The following ADAMTS12 variants were observed in gnomAD, a reference collection of about 807,000 sequenced individuals.
ADAMTS12 encodes A disintegrin and metalloproteinase with thrombospondin motifs 12.
In ADAMTS12, 118 loss-of-function variants were observed where a neutral mutation model predicts 167.8. That is an observed-to-expected ratio of 0.70 (90% CI 0.61 to 0.82). The LOEUF (loss-of-function observed/expected upper bound fraction) is 0.82. Ranked by LOEUF, ADAMTS12 falls within the 40% of genes least tolerant of loss-of-function variation. The probability of loss-of-function intolerance (pLI) is 0.00; values close to 1 mark genes in which losing one functional copy is unlikely to be tolerated. For missense variants in ADAMTS12, 1,916 were observed against 1,998.8 expected (o/e 0.96, Z 0.79); for synonymous variants, 704 against 716.9 (o/e 0.98, Z 0.29).
At chr5:33,880,005 C>T (rs1431459060) in intron 2 of ADAMTS12, among the ~76,000 whole-genome samples, 1 of 152,208 alleles carries the variant, frequency 6.6e-6, no homozygotes, top group African/African-American at 2.4e-5. Flanking sequence ...TTTCGAGACT[C>T]TGGGATTCCT....
chr5:33,624,391 G>C (rs34333679), intron 13 of ADAMTS12, 40 bp from the exon 14 acceptor site: 2 of 1,612,358 alleles, frequency 1.2e-6, no homozygotes, highest in African/African-American at 2.7e-5. Flanking sequence ...CCCAGGCAGG[G>C]GATGCCACTC....
At chr5:33,606,031 T>C (rs541974520) in intron 16 of ADAMTS12, among the ~76,000 whole-genome samples, 22 of 152,294 alleles carry the variant, frequency 1.4e-4, no homozygotes, top group African/African-American at 5.1e-4. Flanking sequence ...CATTGCAACC[T>C]CTGCCTCCCC....
intron 2 of ADAMTS12, among the ~76,000 whole-genome samples, chr5:33,759,410 A>G (rs1745273123): frequency 6.6e-6 from 1 of 152,236 alleles, no homozygotes. Flanking sequence ...ATTAACAAGC[A>G]GTTTTTGCTT....
chr5:33,847,348 C>T (rs1748983106), intron 2 of ADAMTS12, among the ~76,000 whole-genome samples: 1 of 152,194 alleles, frequency 6.6e-6, no homozygotes, highest in Non-Finnish European at 1.5e-5. Context: ...TTCGGCCAGG[C>T]ACTGTGGCTC....
intron 3 of ADAMTS12, among the ~76,000 whole-genome samples, chr5:33,705,923 G>A (rs192830977): frequency 4.6e-5 from 7 of 152,024 alleles, no homozygotes; most frequent in East Asian, 1.9e-4. Flanking sequence ...AAATTTAACC[G>A]ATGTGAAAGA....
At chr5:33,847,421 G>A (rs1748985843) in intron 2 of ADAMTS12, among the ~76,000 whole-genome samples, 6 of 152,196 alleles carry the variant, frequency 3.9e-5, no homozygotes, top group Admixed American at 3.9e-4. Flanking sequence ...TCGGGAGTTG[G>A]AGACCAGCCT....
intron 2 of ADAMTS12, among the ~76,000 whole-genome samples, chr5:33,765,395 C>T (rs1745496752): frequency 6.6e-6 from 1 of 152,190 alleles, no homozygotes; most frequent in South Asian, 2.1e-4. Flanking sequence ...GTCCCCAAAA[C>T]ATCTTAGTTT....
intron 2 of ADAMTS12, among the ~76,000 whole-genome samples, chr5:33,852,803 A>AT (rs1251932382): frequency 2.6e-5 from 4 of 152,214 alleles, no homozygotes; most frequent in African/African-American, 9.7e-5. Flanking sequence ...TGAAAGGAAG[A>AT]TTTTCAGTAT....
intron 2 of ADAMTS12, among the ~76,000 whole-genome samples, chr5:33,874,488 A>G (rs1395890693): frequency 2.0e-5 from 3 of 152,228 alleles, no homozygotes; most frequent in Admixed American, 1.3e-4. Flanking sequence ...GTGAGGATGC[A>G]AAATAGTGCA....
intron 21 of ADAMTS12, among the ~76,000 whole-genome samples, chr5:33,547,899 T>A (rs1416368424): frequency 6.6e-6 from 1 of 152,072 alleles, no homozygotes; most frequent in Non-Finnish European, 1.5e-5. Flanking sequence ...TCAGCACATA[T>A]GGAGAGTTTG....
intron 2 of ADAMTS12, among the ~76,000 whole-genome samples, chr5:33,817,225 A>G (rs913633833): frequency 6.6e-6 from 1 of 152,206 alleles, no homozygotes; most frequent in Non-Finnish European, 1.5e-5. Context: ...TACAGGTAGT[A>G]AGTAGTCTAT....
At position 33,614,354 on chromosome 5, in the gene ADAMTS12, G is replaced by C. The variant is rs773052280; in HGVS notation, c.2411C>G (p.Pro804Arg). ...WIQLLFQVTN[P>R]GIKYEYTIQK... Reference sequence around the variant, plus strand: ...GATTGTGTACTCATACTTGATGCCAGGGTTAGTCACCTGGAATAGAAGCTA... The same window carrying C: ...GATTGTGTACTCATACTTGATGCCACGGTTAGTCACCTGGAATAGAAGCTA... Residue 804 changes from proline (P) to arginine (R), a missense_variant, in exon 16 of 24, where the codon CCT becomes CGT. Pro to Arg is a moderately radical substitution (Grantham distance 103, BLOSUM62 -2). Coordinates refer to ENST00000504830, the MANE Select transcript of ADAMTS12 (RefSeq NM_030955.4). The C allele has an allele frequency of 1.9e-6, 3 of 1,613,946 alleles. No homozygotes were observed. The highest frequency in any genetic ancestry group is 1.7e-6 in the Non-Finnish European group (2 of 1,179,980).
intron 2 of ADAMTS12, among the ~76,000 whole-genome samples, chr5:33,762,344 TA>T (rs1745388119): frequency 6.6e-6 from 1 of 150,844 alleles, no homozygotes; most frequent in Non-Finnish European, 1.5e-5. Context: ...CTGTCTCTAC[TA>T]AAAATACAAA....
intron 19 of ADAMTS12, among the ~76,000 whole-genome samples, chr5:33,574,498 C>T (rs921771017): frequency 2.1e-4 from 31 of 150,442 alleles, no homozygotes; most frequent in Non-Finnish European, 7.4e-5. Flanking sequence ...ATCACAAGGA[C>T]AAAAAACCAA....
chr5:33,615,643 G>A (rs186792639), intron 15 of ADAMTS12, among the ~76,000 whole-genome samples, 185 bp downstream of exon 15: 112 of 152,260 alleles, frequency 7.4e-4, no homozygotes, highest in African/African-American at 2.6e-3. Context: ...TGTTATGGGG[G>A]TTTCAGCAAT....
At position 33,719,984 on chromosome 5, in the gene ADAMTS12, G is replaced by C. The variant is rs147895931; in HGVS notation, c.634+31420C>G. ...TGCTTTAAATACCTAAATGTTATTT[G>C]TTGGCTGATTTGTATGGTGACCTTA... On this transcript the variant is annotated intron_variant, in intron 3 of 23. Transcript: ENST00000504830. 1.7e-4 allele frequency among the ~76,000 whole-genome samples: 26 copies of C among 152,268 alleles called. 1 individual carries two copies. The East Asian group carries it at 5.0e-3, about 29-fold the overall frequency.
chr5:33,729,984 GCAAAAGTTCCATTCTGGAGCTC>G (rs1047086223), intron 3 of ADAMTS12, among the ~76,000 whole-genome samples: 10 of 152,130 alleles, frequency 6.6e-5, no homozygotes, highest in African/African-American at 1.7e-4. Flanking sequence ...CTGTCTATGG[GCAAAAGTTCCATTCTGGAGCTC>G]CAAAAGTTCC....
chr5:33,864,264 A>T (rs1297588393), intron 2 of ADAMTS12, among the ~76,000 whole-genome samples: 1 of 152,226 alleles, frequency 6.6e-6, no homozygotes, highest in Non-Finnish European at 1.5e-5. Flanking sequence ...TCATTACAGA[A>T]ATGCAAATCG....
At chr5:33,598,364 A>G (rs1313301759) in intron 16 of ADAMTS12, among the ~76,000 whole-genome samples, 2 of 152,192 alleles carry the variant, frequency 1.3e-5, no homozygotes, top group African/African-American at 4.8e-5. Context: ...GTAAAATTTA[A>G]TTTATCAATT....
Sources: gnomAD v4.1 joint callset for allele counts (sites outside exome capture counted in the v4.1 genomes callset) on GRCh38, gnomAD v4.1.1 for gene constraint, MANE v1.5 for transcripts, NCBI Gene and HGNC (gene_info 2026-07-23, HGNC 2026-07-21) for gene names.